The following CCL28 variants were observed in gnomAD, a reference collection of about 807,000 sequenced individuals.
CCL28 encodes the protein C-C motif chemokine ligand 28, also known as C-C motif chemokine 28.
A neutral mutation model predicts 7.1 loss-of-function variants in CCL28; 4 were observed. The ratio of observed to expected loss-of-function variants is 0.56; its 90% CI spans 0.28 to 1.29. The LOEUF (loss-of-function observed/expected upper bound fraction) is 1.29. CCL28 is among the 50% of genes most tolerant of loss of function. The pLI is 0.11. For synonymous variants in CCL28, 55 were observed against 57.8 expected, an observed-to-expected ratio of 0.95 and a Z score of 0.22; for missense variants, 151 against 163.4, an observed-to-expected ratio of 0.92 and a Z score of 0.41.
chr5:43,364,359 G>C, the CCL28 span, among the ~76,000 whole-genome samples: 1 of 151,972 alleles, frequency 6.6e-6, no homozygotes, highest in Non-Finnish European at 1.5e-5. Context: ...GTATTGTGTA[G>C]AGTGTTTTAT....
chr5:43,361,594 G>T, the CCL28 span, among the ~76,000 whole-genome samples: 1,104 of 152,244 alleles, frequency 7.3e-3, 7 homozygotes, highest in Middle Eastern at 0.034. Context: ...CACTGCCTAG[G>T]TTGTCTTCCA....
chr5:43,397,328 G>GT (rs34033222), intron 1 of CCL28: 12,104 of 147,850 alleles, frequency 0.082, 893 homozygotes, highest in African/African-American at 0.2. Context: ...ACCCTTACTA[G>GT]TTTTTTTTTT....
rs568227225 is a variant in CCL28, at chr5:43,406,544, C to T, written c.64+5709G>A. Among the ~76,000 whole-genome samples the T allele has an allele frequency of 4.5e-4, 69 of 152,284 alleles. 1 individual carries two copies. The highest frequency in any genetic ancestry group is 1.2e-3 in the South Asian group (6 of 4,824). ...TGACAAACCCACAGCCAATATCATA[C>T]GGAATGGGCAAAAACTGGAAGCATT... On this transcript the variant is annotated intron_variant, in intron 1 of 2. Coordinates refer to ENST00000361115, the MANE Select transcript of CCL28 (RefSeq NM_148672.3).
chr5:43,372,183 C>G (rs1739797147), downstream of CCL28, among the ~76,000 whole-genome samples: 1 of 152,132 alleles, frequency 6.6e-6, no homozygotes, highest in Non-Finnish European at 1.5e-5. Flanking sequence ...GATCTAATTT[C>G]AATATGAGTT....
At chr5:43,408,953 C>T (rs187349393) in intron 1 of CCL28, among the ~76,000 whole-genome samples, 329 of 147,628 alleles carry the variant, frequency 2.2e-3, no homozygotes, top group African/African-American at 7.8e-3. Context: ...TGCAGTGGTG[C>T]GATCATGGCT....
downstream of CCL28, among the ~76,000 whole-genome samples, chr5:43,372,262 T>C (rs76194981): frequency 4.5e-3 from 686 of 152,344 alleles, 26 homozygotes; most frequent in East Asian, 0.081. Flanking sequence ...TCTTGTTCTA[T>C]CAGCATTATG....
intron 2 of CCL28, among the ~76,000 whole-genome samples, chr5:43,387,242 C>T (rs1456379163): frequency 6.6e-6 from 1 of 152,184 alleles, no homozygotes; most frequent in African/African-American, 2.4e-5. Context: ...AACTAAGAGA[C>T]CTGGGTTCAC....
chr5:43,368,242 T>A, the CCL28 span, among the ~76,000 whole-genome samples: 1 of 152,334 alleles, frequency 6.6e-6, no homozygotes, highest in South Asian at 2.1e-4. Context: ...GCAATTATTA[T>A]TGCAGTTTGG....
downstream of CCL28, among the ~76,000 whole-genome samples, chr5:43,376,378 AC>A (rs1739888176): frequency 6.6e-6 from 1 of 152,190 alleles, no homozygotes; most frequent in African/African-American, 2.4e-5. Flanking sequence ...CAGAGATACT[AC>A]TAACCCACCT....
At chr5:43,411,234 A>G (rs1417756661) in intron 1 of CCL28, among the ~76,000 whole-genome samples, 2 of 152,172 alleles carry the variant, frequency 1.3e-5, no homozygotes, top group African/African-American at 4.8e-5. Context: ...CTTATATTCC[A>G]CCTCTGCTCT....
the CCL28 span, among the ~76,000 whole-genome samples, chr5:43,366,343 G>T: frequency 6.6e-6 from 1 of 152,172 alleles, no homozygotes. Flanking sequence ...CTTTGATGGG[G>T]TTTCTGTGTG....
chr5:43,388,143 A>G lies in CCL28; in HGVS notation c.191+207T>C, dbSNP rs1579728418. On this transcript the variant is annotated intron_variant, in intron 2 of 2. Coordinates refer to ENST00000361115, the MANE Select transcript of CCL28 (RefSeq NM_148672.3). ...GGGTGGAAGTAGATGGTGTGCTGGTATGGGGCTCAGGACATCTTTGGACAG... is the reference window on the plus strand; with the variant it reads ...GGGTGGAAGTAGATGGTGTGCTGGTGTGGGGCTCAGGACATCTTTGGACAG... 11 of 538,514 alleles carry G rather than the reference A, an allele frequency of 2.0e-5. No homozygotes were observed. The East Asian group carries it at 3.6e-4, about 17-fold the overall frequency. The allele number at this position is 538,514 out of a possible 1,614,324, so 33.4% of individuals were successfully genotyped here.
chr5:43,361,143 A>T, the CCL28 span, among the ~76,000 whole-genome samples: 8 of 152,156 alleles, frequency 5.3e-5, no homozygotes, highest in Non-Finnish European at 1.0e-4. Context: ...CCTGCAAAGG[A>T]TATGATCTCA....
intron 1 of CCL28, among the ~76,000 whole-genome samples, chr5:43,408,657 A>G (rs1010182968): frequency 1.3e-5 from 2 of 152,096 alleles, no homozygotes; most frequent in African/African-American, 2.4e-5. Context: ...ATTGGTGTGG[A>G]TGTATGTGTG....
rs375983152 is a variant in CCL28, at chr5:43,401,294, A to G, written c.64+10959T>C. Reference sequence around the variant, plus strand: ...TGCTATTCCCAAATAAAGTCCTGCCAGGTACTTTTTGGAACCCTGGGATAA... The same window carrying G: ...TGCTATTCCCAAATAAAGTCCTGCCGGGTACTTTTTGGAACCCTGGGATAA... On this transcript the variant is annotated intron_variant, in intron 1 of 2. Transcript: ENST00000361115. Among the ~76,000 whole-genome samples the G allele has an allele frequency of 1.1e-4, 17 of 152,266 alleles. No homozygotes were observed. In the East Asian group the frequency reaches 1.5e-3, roughly 14 times the overall value.
intron 1 of CCL28, among the ~76,000 whole-genome samples, chr5:43,402,652 C>T (rs1309179942): frequency 6.6e-6 from 1 of 152,164 alleles, no homozygotes; most frequent in Non-Finnish European, 1.5e-5. Context: ...GGGACCATCT[C>T]ACTGTGGCTT....
intron 1 of CCL28, among the ~76,000 whole-genome samples, chr5:43,404,589 A>AACTGC (rs1741188417): frequency 1.3e-5 from 2 of 152,216 alleles, no homozygotes; most frequent in Admixed American, 1.3e-4. Context: ...GCTAGGAAGA[A>AACTGC]ACTGCATCAA....
chr5:43,382,684 T>A (rs1740168286), intron 2 of CCL28, among the ~76,000 whole-genome samples: 1 of 152,134 alleles, frequency 6.6e-6, no homozygotes, highest in Non-Finnish European at 1.5e-5. Flanking sequence ...TGAAACTAAT[T>A]TAAAACTTAA....
At chr5:43,382,767 A>C (rs1275348641) in intron 2 of CCL28, among the ~76,000 whole-genome samples, 1 of 152,156 alleles carries the variant, frequency 6.6e-6, no homozygotes, top group Non-Finnish European at 1.5e-5. Context: ...TTAATATGAT[A>C]TAGATCTATG....
Sources: allele counts gnomAD v4.1 joint callset (sites outside exome capture counted in the v4.1 genomes callset), GRCh38; gene constraint gnomAD v4.1.1; transcripts MANE v1.5; gene names NCBI Gene and HGNC (gene_info 2026-07-23, HGNC 2026-07-21).